TEX2: variants seen among roughly 807,000 people sequenced by gnomAD.
TEX2 encodes testis-expressed protein 2.
Under a neutral mutation model 106.9 loss-of-function variants are expected in TEX2, and 53 were observed. The observed-to-expected ratio is 0.50, with a 90% CI of 0.40 to 0.62. TEX2 has a LOEUF of 0.62. Ranked by LOEUF, TEX2 falls within the 20% of genes least tolerant of loss-of-function variation. The probability of loss-of-function intolerance (pLI) is 0.00; values close to 1 mark genes in which losing one functional copy is unlikely to be tolerated. For synonymous variants in TEX2, 523 were observed against 534.8 expected, an observed-to-expected ratio of 0.98 and a Z score of 0.30; for missense variants, 1,207 against 1,379.0, an observed-to-expected ratio of 0.88 and a Z score of 1.98.
intron 1 of TEX2, among the ~76,000 whole-genome samples, chr17:64,233,488 G>A (rs149917733): frequency 0.023 from 3,434 of 152,224 alleles, 58 homozygotes; most frequent in Middle Eastern, 0.041. Flanking sequence ...CAGGAGAATC[G>A]CTTGAACTTG....
intron 1 of TEX2, among the ~76,000 whole-genome samples, chr17:64,215,076 C>A (rs2033144095): frequency 6.6e-6 from 1 of 152,204 alleles, no homozygotes; most frequent in African/African-American, 2.4e-5. Flanking sequence ...CCTTCTGGAG[C>A]TTAATAGCTG....
intron 1 of TEX2, among the ~76,000 whole-genome samples, chr17:64,222,814 T>A (rs1414061373): frequency 7.3e-6 from 1 of 136,134 alleles, no homozygotes; most frequent in Non-Finnish European, 1.6e-5. Context: ...TATGCTCCCA[T>A]ACATTTGGGG....
In TEX2 at chr17:64,214,183, G is replaced by T; in HGVS notation, c.35C>A (p.Thr12Asn). 1 of 1,614,050 alleles carries T rather than the reference G, an allele frequency of 6.2e-7. No individual in the cohort carries two copies. The highest frequency in any genetic ancestry group is 8.5e-7 in the Non-Finnish European group (1 of 1,179,910). ...GGCTGATGGTTTTGGCATGTCAGTG[G>T]TTTTCTCGGCATGGCGACCATACAG... is the stretch of plus-strand genomic sequence containing the variant. ...TSLYGRHAEKTTDMPKPSAPK... is the reference protein window; with the variant it reads ...TSLYGRHAEKNTDMPKPSAPK... Residue 12 changes from threonine (T) to asparagine (N), a missense_variant, in exon 2 of 12, where the codon ACC becomes AAC. Transcript: ENST00000584379.
chr17:64,173,663 G>A lies in TEX2; in HGVS notation c.2572-2464C>T, dbSNP rs578105436. On this transcript the variant is annotated intron_variant, in intron 6 of 11. Coordinates refer to ENST00000584379, the MANE Select transcript of TEX2 (RefSeq NM_001288732.2). ...TTTTTCCAAAGCATCAATGTTATAA[G>A]TGGTATTGGCCTCTCTACCAACCTA... Among the ~76,000 whole-genome samples the A allele has an allele frequency of 3.9e-5, 6 of 152,246 alleles. No homozygotes were observed. In the South Asian group the frequency reaches 1.0e-3, roughly 26 times the overall value.
At chr17:64,262,379 G>A (rs1258591319) in intron 1 of TEX2, among the ~76,000 whole-genome samples, 3 of 152,082 alleles carry the variant, frequency 2.0e-5, no homozygotes, top group African/African-American at 7.3e-5. Context: ...CCCACTGAGG[G>A]GCTAAGTTTT....
intron 1 of TEX2, among the ~76,000 whole-genome samples, chr17:64,221,357 T>C (rs2033354506): frequency 6.6e-6 from 1 of 152,052 alleles, no homozygotes; most frequent in African/African-American, 2.4e-5. Context: ...GAACTTAAAA[T>C]TAAATTACAT....
At chr17:64,156,982 G>C (rs1019494544) in intron 8 of TEX2, among the ~76,000 whole-genome samples, 1 of 152,200 alleles carries the variant, frequency 6.6e-6, no homozygotes, top group African/African-American at 2.4e-5. Flanking sequence ...TTTGTGGCTT[G>C]AAGTGAACAC....
At chr17:64,237,741 G>A (rs1305698635) in intron 1 of TEX2, among the ~76,000 whole-genome samples, 1 of 152,110 alleles carries the variant, frequency 6.6e-6, no homozygotes, top group Admixed American at 6.5e-5. Flanking sequence ...AATTTGAGAA[G>A]GGCTGGGTTT....
intron 7 of TEX2, among the ~76,000 whole-genome samples, chr17:64,169,854 A>C (rs1425948831): frequency 1.3e-5 from 2 of 152,192 alleles, no homozygotes; most frequent in African/African-American, 4.8e-5. Context: ...CCTTGTTCCT[A>C]AGCCATTTTA....
At chr17:64,194,699 C>T (rs1047973335) in intron 3 of TEX2, among the ~76,000 whole-genome samples, 196 bp downstream of exon 3, 13 of 152,174 alleles carry the variant, frequency 8.5e-5, no homozygotes, top group African/African-American at 3.1e-4. Flanking sequence ...CCCACAGCTA[C>T]TGAATCAGAA....
rs373317011 is a variant in TEX2, at chr17:64,193,670, G to A, written c.2065C>T (p.Leu689Phe). 2 of 1,592,102 alleles carry A rather than the reference G, an allele frequency of 1.3e-6. No individual in the cohort carries two copies. The highest frequency in any genetic ancestry group is 2.3e-5 in the South Asian group (2 of 87,762). Residue 689 changes from leucine (L) to phenylalanine (F), a missense_variant, in exon 4 of 12, where the codon CTC (leucine) becomes TTC (phenylalanine). Leu to Phe is a conservative substitution (Grantham distance 22). Around this residue, in one of 3 missense-constraint regions of TEX2, gnomAD observed 1,067 missense variants for 1,193.6 expected, o/e 0.89. Transcript: ENST00000584379. Reference sequence around the variant, plus strand: ...TTTTCTCGGCCAGTTCTCCCAAAGAGATAGAGTATCTGATCTCGCTGGCTA... The same window carrying A: ...TTTTCTCGGCCAGTTCTCCCAAAGAAATAGAGTATCTGATCTCGCTGGCTA... ...RSSQRDQILY[L>F]FGRTGREKEE...
Position 64,242,099 on chromosome 17 carries a change from G to A in TEX2, c.-26+21069C>T, listed in dbSNP as rs1284328106. Among the ~76,000 whole-genome samples, 3 of 152,212 alleles carry A rather than the reference G, an allele frequency of 2.0e-5. No individual in the cohort carries two copies. The East Asian group carries it at 5.8e-4, about 29-fold the overall frequency. On this transcript the variant is annotated intron_variant, in intron 1 of 11. Transcript: ENST00000584379. ...TTTAATGAATGAATGAAGGAACACT[G>A]CACATAATACCTAAGTAACCTATTT...
intron 5 of TEX2, among the ~76,000 whole-genome samples, chr17:64,184,382 G>A (rs185165093): frequency 1.5e-4 from 23 of 152,252 alleles, no homozygotes; most frequent in East Asian, 1.4e-3. Context: ...GATTATAGGC[G>A]TGAGCCACTG....
At chr17:64,173,374 A>C (rs1209066377) in intron 6 of TEX2, among the ~76,000 whole-genome samples, 1 of 152,206 alleles carries the variant, frequency 6.6e-6, no homozygotes, top group African/African-American at 2.4e-5. Context: ...AGGTTTTTAA[A>C]AATTAAATGT....
chr17:64,197,780 T>G (rs1028329614), intron 2 of TEX2, among the ~76,000 whole-genome samples: 6 of 152,114 alleles, frequency 3.9e-5, no homozygotes, highest in Admixed American at 3.9e-4. Context: ...CCCAAGCTGG[T>G]CTTGAACTCT....
chr17:64,219,122 T>C (rs2033276840), intron 1 of TEX2, among the ~76,000 whole-genome samples: 1 of 151,868 alleles, frequency 6.6e-6, no homozygotes, highest in South Asian at 2.1e-4. Context: ...CCAGCAGAAA[T>C]AGAATATAAC....
At chr17:64,160,675 G>A in intron 8 of TEX2, 126 bp downstream of exon 8, 1 of 1,214,752 alleles carries the variant, frequency 8.2e-7, no homozygotes, top group Non-Finnish European at 1.2e-6. Context: ...CTCTGGTCCA[G>A]GAGCACTTAC....
intron 1 of TEX2, among the ~76,000 whole-genome samples, chr17:64,233,647 G>A (rs1555634817): frequency 6.6e-6 from 1 of 152,174 alleles, no homozygotes; most frequent in African/African-American, 2.4e-5. Flanking sequence ...TTCAGGTGGA[G>A]ATATAGTACC....
intron 3 of TEX2, 80 bp downstream of exon 3, chr17:64,194,815 A>T (rs1156262199): frequency 2.9e-6 from 4 of 1,382,692 alleles, no homozygotes; most frequent in Non-Finnish European, 3.1e-6. Context: ...TTTAGGGTAT[A>T]AAAAAATGCA....
Sources: gnomAD v4.1 joint callset for allele counts (sites outside exome capture counted in the v4.1 genomes callset) on GRCh38, gnomAD v4.1.1 for gene constraint, gnomAD v4.1.1 regional missense constraint, MANE v1.5 for transcripts, NCBI Gene and HGNC (gene_info 2026-07-23, HGNC 2026-07-21) for gene names.